LRRC2: variants seen among roughly 807,000 people sequenced by gnomAD.
The protein encoded by LRRC2 is leucine-rich repeat-containing protein 2.
A neutral mutation model predicts 40.2 loss-of-function variants in LRRC2; 27 were observed. That is an observed-to-expected ratio of 0.67 (90% CI 0.49 to 0.93). The LOEUF (loss-of-function observed/expected upper bound fraction) is 0.93, where lower values mean the gene tolerates loss of function less well. LRRC2 is among the 40% of genes least tolerant of loss of function. The probability of loss-of-function intolerance (pLI) is 0.00; values close to 1 mark genes in which losing one functional copy is unlikely to be tolerated. For missense variants in LRRC2, 402 were observed against 439.6 expected, an observed-to-expected ratio of 0.91 and a Z score of 0.76; for synonymous variants, 147 against 158.9, an observed-to-expected ratio of 0.92 and a Z score of 0.56.
chr3:46,545,969 C>T (rs1281927748), intron 2 of LRRC2, among the ~76,000 whole-genome samples: 1 of 152,174 alleles, frequency 6.6e-6, no homozygotes. Context: ...TGATGCAAAA[C>T]AAGATGTTTT....
rs531342538 is a variant in LRRC2 at position 46,522,006 on chromosome 3, G to T, written c.930-348C>A. The stretch of plus-strand genomic sequence containing the variant: ...CAATGTTTGATGTTACTCCCAGTAA[G>T]GGACATCCAACTTTAAAATGACGTG... On this transcript the variant is annotated intron_variant, in intron 7 of 8. Transcript: ENST00000395905. Among the ~76,000 whole-genome samples the T allele has an allele frequency of 2.0e-5, 3 of 152,250 alleles. No individual in the cohort carries two copies. The South Asian group carries it at 6.2e-4, about 32-fold the overall frequency.
chr3:46,553,632 C>T (rs1262644601), intron 1 of LRRC2, among the ~76,000 whole-genome samples: 1 of 152,110 alleles, frequency 6.6e-6, no homozygotes, highest in Admixed American at 6.5e-5. Flanking sequence ...GGACCACAGT[C>T]GTGCGTCACC....
At position 46,527,577 on chromosome 3, in the gene LRRC2, C is replaced by G. The variant is rs1302618664; in HGVS notation, c.778G>C (p.Glu260Gln). Reference sequence around the variant, plus strand: ...TACAAGAGAAAGCTCTGCAGCTCCTCTAGCCTAAGAAGAGGTAAAAACAAT... The same window carrying G: ...TACAAGAGAAAGCTCTGCAGCTCCTGTAGCCTAAGAAGAGGTAAAAACAAT... ...TDLPQDIDRL[E>Q]ELQSFLLYKN... The change falls in exon 7 of 9, where the codon GAG becomes CAG. Residue 260 changes from glutamate (E) to glutamine (Q), a missense_variant. Physicochemically the swap from Glu to Gln is conservative, Grantham distance 29. Coordinates refer to ENST00000395905, the MANE Select transcript of LRRC2 (RefSeq NM_024512.5). 1 of 1,613,934 alleles carries G rather than the reference C, an allele frequency of 6.2e-7. No individual in the cohort carries two copies. Among genetic ancestry groups the G allele is most frequent in the African/African-American group, 1.3e-5 (1 of 75,032 alleles).
At chr3:46,522,419 A>G (rs1370586846) in intron 7 of LRRC2, among the ~76,000 whole-genome samples, 1 of 117,952 alleles carries the variant, frequency 8.5e-6, no homozygotes, top group East Asian at 2.9e-4. Context: ...AAATAAATAA[A>G]CAAACGATAG....
intron 2 of LRRC2, among the ~76,000 whole-genome samples, chr3:46,547,410 G>C (rs2107029340): frequency 6.6e-6 from 1 of 152,094 alleles, no homozygotes; most frequent in Admixed American, 6.6e-5. Context: ...AGGTGCAGTG[G>C]TTCAGGCAGG....
chr3:46,520,606 G>A lies in LRRC2; in HGVS notation c.1066+916C>T, dbSNP rs137871103. On this transcript the variant is annotated intron_variant, in intron 8 of 8. Coordinates refer to ENST00000395905, the MANE Select transcript of LRRC2 (RefSeq NM_024512.5). ...TCTGACTATCTGAATGTGACTAATCGTCTTCAGACATCTACTGATGAGGGA... is the reference window on the plus strand; with the variant it reads ...TCTGACTATCTGAATGTGACTAATCATCTTCAGACATCTACTGATGAGGGA... Among the ~76,000 whole-genome samples the A allele has an allele frequency of 5.5e-3, 836 of 152,186 alleles. 9 individuals carry two copies. Among genetic ancestry groups the A allele is most frequent in the African/African-American group, 0.019 (774 of 41,498 alleles).
intron 7 of LRRC2, 66 bp from the exon 8 acceptor site, chr3:46,521,724 C>A: frequency 6.7e-7 from 1 of 1,493,830 alleles, no homozygotes; most frequent in Non-Finnish European, 9.0e-7. Flanking sequence ...AAATTCCTCA[C>A]ATAAAATAAC....
intron 7 of LRRC2, among the ~76,000 whole-genome samples, chr3:46,523,828 T>C (rs530380213): frequency 1.3e-5 from 2 of 152,246 alleles, no homozygotes; most frequent in African/African-American, 4.8e-5. Flanking sequence ...TCCACCCATC[T>C]ACCCACCCAT....
chr3:46,525,746 C>T (rs542991261), intron 7 of LRRC2, among the ~76,000 whole-genome samples: 6 of 151,996 alleles, frequency 3.9e-5, no homozygotes, highest in Non-Finnish European at 5.9e-5. Context: ...ACATCTTTAC[C>T]GCCTTTTCAC....
intron 1 of LRRC2, among the ~76,000 whole-genome samples, chr3:46,553,863 T>C (rs1162232395): frequency 6.6e-6 from 1 of 152,230 alleles, no homozygotes; most frequent in Non-Finnish European, 1.5e-5. Context: ...AACTGGCTTA[T>C]GTTTGTGCAG....
intron 4 of LRRC2, among the ~76,000 whole-genome samples, chr3:46,534,468 CTTTG>C (rs879428727): frequency 3.1e-4 from 42 of 133,954 alleles, no homozygotes; most frequent in Admixed American, 1.1e-3. Flanking sequence ...TTCTTTCTTT[CTTTG>C]TTTCTTTCTT....
In LRRC2 at chr3:46,551,491, C is replaced by T; in HGVS notation, c.101G>A (p.Arg34Lys). ...CTTCTCCAAGGCGCTCTTCTCAAGC[C>T]TTTCCACCTCCTTCTTCTGCCAAGC... is the stretch of plus-strand genomic sequence containing the variant. ...HKAWQKKEVE[R>K]LEKSALEKIK... The change falls in exon 2 of 9, where the codon AGG (arginine) becomes AAG (lysine). Residue 34 changes from arginine to lysine, a missense_variant. Physicochemically the swap from Arg to Lys is conservative, Grantham distance 26. Coordinates refer to ENST00000395905, the MANE Select transcript of LRRC2 (RefSeq NM_024512.5). 2 of 1,613,970 alleles carry T rather than the reference C, an allele frequency of 1.2e-6. No individual in the cohort carries two copies. Among genetic ancestry groups the T allele is most frequent in the South Asian group, 1.1e-5 (1 of 90,978 alleles).
chr3:46,551,756 T>G, intron 1 of LRRC2, 146 bp from the exon 2 acceptor site: 1 of 367,262 alleles, frequency 2.7e-6, no homozygotes, highest in African/African-American at 2.2e-5. Context: ...GTTTGCTTTT[T>G]TTTTTTTTTT....
intron 4 of LRRC2, among the ~76,000 whole-genome samples, chr3:46,533,130 T>C (rs555431767): frequency 1.3e-5 from 2 of 152,282 alleles, no homozygotes; most frequent in South Asian, 2.1e-4. Context: ...GTGATAAGCG[T>C]CCAACATTAC....
At chr3:46,551,360 A>G in intron 2 of LRRC2, 107 bp downstream of exon 2, 1 of 1,388,096 alleles carries the variant, frequency 7.2e-7, no homozygotes, top group Non-Finnish European at 9.8e-7. Flanking sequence ...TTTTACCAAC[A>G]GTGAGAAATC....
intron 3 of LRRC2, 32 bp downstream of exon 3, chr3:46,545,014 C>A (rs369588354): frequency 4.7e-4 from 757 of 1,594,286 alleles, no homozygotes; most frequent in Non-Finnish European, 6.0e-4. Context: ...TCGACCACAG[C>A]ACTGCATTGG....
chr3:46,520,073 A>T (rs901689211), intron 8 of LRRC2, among the ~76,000 whole-genome samples: 1 of 150,662 alleles, frequency 6.6e-6, no homozygotes, highest in Non-Finnish European at 1.5e-5. Flanking sequence ...CTCTAAAGTT[A>T]ATTTTTAAAA....
rs777977245 is a variant in LRRC2 at position 46,519,016 on chromosome 3, A to C, written c.1114T>G (p.Ter372GlyextTer25). The change falls in exon 9 of 9, where the codon TGA (stop) becomes GGA (glycine). Residue 372 changes from the stop codon to glycine, a stop_lost. Coordinates refer to ENST00000395905, the MANE Select transcript of LRRC2 (RefSeq NM_024512.5). ...TTKVSFSLQL[*>G] ...GATTTGCAGTCTTCTGATGGATATC[A>C]AAGTTGAAGGCTAAAAGACACTTTG... 3.1e-6 allele frequency: 5 copies of C among 1,601,606 alleles called. No homozygotes were observed. The highest frequency in any genetic ancestry group is 2.6e-6 in the Non-Finnish European group (3 of 1,168,808).
At position 46,539,045 on chromosome 3, in the gene LRRC2, C is replaced by T. The variant is rs751838089; in HGVS notation, c.490G>A (p.Gly164Ser). ...NQISHLPAEI[G>S]CLKNLKELNV... ...GAAGACCCCTGCTAAGTTGACATACCGATTTCTGCTGGAAGATGTGAGATT... is the reference window on the plus strand; with the variant it reads ...GAAGACCCCTGCTAAGTTGACATACTGATTTCTGCTGGAAGATGTGAGATT... Residue 164 changes from glycine to serine, a missense_variant and splice_region_variant, in exon 4 of 9, where the codon GGT becomes AGT. By Grantham distance (56) the Gly-to-Ser change is moderately conservative. Coordinates refer to ENST00000395905, the MANE Select transcript of LRRC2 (RefSeq NM_024512.5). 6 of 1,613,266 alleles carry T rather than the reference C, an allele frequency of 3.7e-6. No homozygotes were observed. The highest frequency in any genetic ancestry group is 1.1e-5 in the South Asian group (1 of 90,962).
Sources: allele counts gnomAD v4.1 joint callset (sites outside exome capture counted in the v4.1 genomes callset), GRCh38; gene constraint gnomAD v4.1.1; transcripts MANE v1.5; gene names NCBI Gene and HGNC (gene_info 2026-07-23, HGNC 2026-07-21).